The following REC114 variants were observed in gnomAD, a reference collection of about 807,000 sequenced individuals.
REC114 encodes meiotic recombination protein REC114.
Under a neutral mutation model 31.3 loss-of-function variants are expected in REC114, and 27 were observed. The observed-to-expected ratio is 0.86, with a 90% CI of 0.64 to 1.19. The LOEUF (loss-of-function observed/expected upper bound fraction) is 1.19, where lower values mean the gene tolerates loss of function less well. Among genes scored for constraint, REC114 ranks in the 50% most tolerant of loss-of-function variants. The pLI, the probability that REC114 is intolerant of heterozygous loss-of-function variation, is 0.00. For missense variants in REC114, 344 were observed against 326.9 expected (o/e 1.05, Z -0.40); for synonymous variants, 134 against 127.7 (o/e 1.05, Z -0.33).
At chr15:73,503,665 G>T (rs1048895276) in intron 2 of REC114, among the ~76,000 whole-genome samples, 1 of 152,094 alleles carries the variant, frequency 6.6e-6, no homozygotes, top group African/African-American at 2.4e-5. Context: ...GGGATCTCAT[G>T]TTTTAAAATT....
intron 2 of REC114, among the ~76,000 whole-genome samples, chr15:73,477,043 A>C (rs1375222029): frequency 6.6e-6 from 1 of 152,220 alleles, no homozygotes; most frequent in Non-Finnish European, 1.5e-5. Context: ...CAGTCTTTTT[A>C]ACTTATCTAT....
rs1043231286 is a variant in REC114, at chr15:73,447,876, G to A, written c.159+4532G>A. Among the ~76,000 whole-genome samples, 4 of 152,058 alleles carry A rather than the reference G, an allele frequency of 2.6e-5. No homozygotes were observed. The East Asian group carries it at 7.7e-4, about 29-fold the overall frequency. On this transcript the variant is annotated intron_variant, in intron 1 of 5. Coordinates refer to ENST00000331090, the MANE Select transcript of REC114 (RefSeq NM_001042367.2). ...AGCAGGGTGGGGCATCACCTCACCTGGGAAGTACAAGGGTTGGGGAATCTC... is the reference window on the plus strand; with the variant it reads ...AGCAGGGTGGGGCATCACCTCACCTAGGAAGTACAAGGGTTGGGGAATCTC...
intron 2 of REC114, among the ~76,000 whole-genome samples, chr15:73,513,539 A>G (rs1893808089): frequency 6.7e-6 from 1 of 149,004 alleles, no homozygotes; most frequent in Non-Finnish European, 1.5e-5. Flanking sequence ...TAGAGTTTCC[A>G]GTTTTTCTGT....
chr15:73,497,053 A>G (rs1269213206), intron 2 of REC114, among the ~76,000 whole-genome samples: 2 of 152,066 alleles, frequency 1.3e-5, no homozygotes, highest in East Asian at 1.9e-4. Context: ...ATATTGATAT[A>G]TCTTGTTACT....
intron 2 of REC114, among the ~76,000 whole-genome samples, chr15:73,525,424 A>G (rs1893992321): frequency 6.6e-6 from 1 of 151,986 alleles, no homozygotes; most frequent in Non-Finnish European, 1.5e-5. Context: ...TTCTGACTTC[A>G]TACAGTGGAA....
intron 2 of REC114, among the ~76,000 whole-genome samples, chr15:73,493,858 A>T (rs1463226884): frequency 6.6e-6 from 1 of 152,148 alleles, no homozygotes; most frequent in Non-Finnish European, 1.5e-5. Context: ...TATTTCTCCG[A>T]TTATTATCTG....
chr15:73,499,604 C>G (rs1893577060), intron 2 of REC114, among the ~76,000 whole-genome samples: 1 of 152,150 alleles, frequency 6.6e-6, no homozygotes, highest in Non-Finnish European at 1.5e-5. Context: ...TAAGTCTGTA[C>G]TAATATCTGA....
chr15:73,540,515 TG>T lies in REC114; in HGVS notation c.282del (p.Trp94CysfsTer2). 6.2e-7 allele frequency: 1 copy of T among 1,614,002 alleles called. No homozygotes were observed. The highest frequency in any genetic ancestry group is 8.5e-7 in the Non-Finnish European group (1 of 1,179,858). ...GTTTTCACTCATTGGTAGCAAGGAC[TG>T]GTTGAAGATTGTAAGACGCGTGGAT... ...EGFSLIGSKD[W>X]LKIVRRVDCL... On this transcript the variant is annotated frameshift_variant, in exon 3 of 6. Coordinates refer to ENST00000331090, the MANE Select transcript of REC114 (RefSeq NM_001042367.2). LOFTEE classifies it high-confidence loss of function.
At chr15:73,544,426 A>C (rs1317510612) in intron 3 of REC114, among the ~76,000 whole-genome samples, 5 of 152,216 alleles carry the variant, frequency 3.3e-5, no homozygotes, top group African/African-American at 1.2e-4. Context: ...CTTTTATAGC[A>C]ATTTAATATA....
chr15:73,514,932 T>G (rs966575462), intron 2 of REC114, among the ~76,000 whole-genome samples: 12 of 117,970 alleles, frequency 1.0e-4, no homozygotes, highest in African/African-American at 1.6e-4. Context: ...CACTCTGATT[T>G]TTTTTTTTTT....
chr15:73,463,379 G>A (rs1381534649), intron 1 of REC114, among the ~76,000 whole-genome samples: 1 of 152,038 alleles, frequency 6.6e-6, no homozygotes, highest in African/African-American at 2.4e-5. Context: ...TCAAATTCAG[G>A]TTGGATTTTC....
At chr15:73,539,457 C>CT (rs58815458) in intron 2 of REC114, among the ~76,000 whole-genome samples, 1,742 of 104,238 alleles carry the variant, frequency 0.017, 37 homozygotes, top group African/African-American at 0.044. Flanking sequence ...CGCCCGGCTA[C>CT]TTTTTTTTTT....
intron 2 of REC114, among the ~76,000 whole-genome samples, chr15:73,478,745 T>C (rs1893251672): frequency 6.6e-6 from 1 of 152,232 alleles, no homozygotes; most frequent in African/African-American, 2.4e-5. Context: ...ATCAATGTTT[T>C]GTAGTTTTCA....
chr15:73,462,884 CAAAAAAAAAA>C (rs769569268), intron 1 of REC114, among the ~76,000 whole-genome samples: 6 of 55,658 alleles, frequency 1.1e-4, no homozygotes, highest in African/African-American at 2.8e-4. Flanking sequence ...GACTCCGTCT[CAAAAAAAAAA>C]AAAAAAAAAA....
chr15:73,560,009 CCAAACACCTTTTAT>C, exon 6 of REC114: 2 of 1,184,812 alleles, frequency 1.7e-6, no homozygotes, highest in South Asian at 3.2e-5. Context: ...AGAGTATTAT[CCAAACACCTTTTAT>C]CAATGTTTTA....
At chr15:73,469,227 T>G (rs1893101532) in intron 1 of REC114, among the ~76,000 whole-genome samples, 1 of 152,174 alleles carries the variant, frequency 6.6e-6, no homozygotes, top group Non-Finnish European at 1.5e-5. Flanking sequence ...ATTGTGAACT[T>G]GTCTGTTTCC....
intron 1 of REC114, among the ~76,000 whole-genome samples, chr15:73,464,855 C>T (rs1595862033): frequency 6.6e-6 from 1 of 152,176 alleles, no homozygotes; most frequent in African/African-American, 2.4e-5. Flanking sequence ...GACCTCAATC[C>T]ACCCTTCTGG....
At chr15:73,557,582 A>G (rs1894491054) in intron 5 of REC114, among the ~76,000 whole-genome samples, 1 of 152,234 alleles carries the variant, frequency 6.6e-6, no homozygotes, top group South Asian at 2.1e-4. Context: ...TTATTTGTCC[A>G]GCAGCAGGAC....
intron 1 of REC114, among the ~76,000 whole-genome samples, chr15:73,461,922 CT>C (rs961387922): frequency 0.15 from 11,821 of 78,164 alleles, 726 homozygotes; most frequent in East Asian, 0.22. Flanking sequence ...TTTTTCTTTT[CT>C]TTTTTTTTTT....
Sources: allele counts gnomAD v4.1 joint callset (sites outside exome capture counted in the v4.1 genomes callset), GRCh38; gene constraint gnomAD v4.1.1; transcripts MANE v1.5; gene names NCBI Gene and HGNC (gene_info 2026-07-23, HGNC 2026-07-21).